SYN3: variants seen among roughly 807,000 people sequenced by gnomAD.
The protein encoded by SYN3 is synapsin III, also known as synapsin-3.
In SYN3, 35 loss-of-function variants were observed where a neutral mutation model predicts 65.8. The observed-to-expected ratio is 0.53, with a 90% confidence interval of 0.41 to 0.70. SYN3 has a LOEUF of 0.70. SYN3 is among the 30% of genes least tolerant of loss of function. The pLI is 0.00. For missense variants in SYN3, 680 were observed against 749.0 expected, an observed-to-expected ratio of 0.91 and a Z score of 1.08; for synonymous variants, 270 against 292.9, an observed-to-expected ratio of 0.92 and a Z score of 0.80.
At chr22:32,515,946 A>C (rs1035257216) in intron 13 of SYN3, among the ~76,000 whole-genome samples, 2 of 152,028 alleles carry the variant, frequency 1.3e-5, no homozygotes, top group Non-Finnish European at 2.9e-5. Flanking sequence ...CTACAGGCGC[A>C]CGCTGCCGCG....
At chr22:32,989,584 C>A (rs1387277917) in intron 2 of SYN3, among the ~76,000 whole-genome samples, 1 of 152,126 alleles carries the variant, frequency 6.6e-6, no homozygotes, top group Non-Finnish European at 1.5e-5. Flanking sequence ...CCTGTAATCC[C>A]AGCACTTTGG....
intron 6 of SYN3, among the ~76,000 whole-genome samples, chr22:32,827,053 T>G (rs144849563): frequency 2.0e-5 from 3 of 152,266 alleles, no homozygotes; most frequent in African/African-American, 7.2e-5. Context: ...ATGCTGGAGT[T>G]TTGCTGATCA....
intron 6 of SYN3, among the ~76,000 whole-genome samples, chr22:32,779,580 C>T (rs181405505): frequency 5.4e-4 from 83 of 152,312 alleles, no homozygotes; most frequent in African/African-American, 1.8e-3. Context: ...TGCAACTCTC[C>T]GAAGCGGGCA....
At chr22:32,730,006 C>T (rs2413146) in intron 6 of SYN3, among the ~76,000 whole-genome samples, 49,075 of 151,932 alleles carry the variant, frequency 0.32, 8,069 homozygotes, top group South Asian at 0.44. Context: ...CTAATGCTCA[C>T]GAGATGGATG....
At chr22:32,829,077 C>T (rs1034770748) in intron 6 of SYN3, among the ~76,000 whole-genome samples, 3 of 152,236 alleles carry the variant, frequency 2.0e-5, no homozygotes, top group African/African-American at 4.8e-5. Flanking sequence ...GAAACTGGCA[C>T]CATTTCTACC....
chr22:32,864,941 T>A lies in SYN3; in HGVS notation c.685A>T (p.Thr229Ser). ...ATTGGCTTATGGTTGGGGAAAAATGTTTGCTCCACAAGCGGGAACTTCTCA... is the reference window on the plus strand; with the variant it reads ...ATTGGCTTATGGTTGGGGAAAAATGATTGCTCCACAAGCGGGAACTTCTCA... The part of the protein sequence containing the change: ...GPEKFPLVEQ[T>S]FFPNHKPMVT... Residue 229 changes from threonine to serine, a missense_variant, in exon 6 of 14, where the codon ACA becomes TCA. Physicochemically the swap from Thr to Ser is moderately conservative, Grantham distance 58. Transcript: ENST00000358763. 1 of 1,614,076 alleles carries A rather than the reference T, an allele frequency of 6.2e-7. No homozygotes were observed. Among genetic ancestry groups the A allele is most frequent in the Non-Finnish European group, 8.5e-7 (1 of 1,179,998 alleles).
At chr22:32,762,676 G>A (rs1025560555) in intron 6 of SYN3, among the ~76,000 whole-genome samples, 1 of 152,208 alleles carries the variant, frequency 6.6e-6, no homozygotes, top group Non-Finnish European at 1.5e-5. Context: ...TAGAAGAACA[G>A]GTCTGCTGAT....
At chr22:32,711,364 T>C (rs1232190560) in intron 6 of SYN3, among the ~76,000 whole-genome samples, 1 of 152,198 alleles carries the variant, frequency 6.6e-6, no homozygotes, top group Admixed American at 6.5e-5. Context: ...AGAAAATAAT[T>C]CATCAGTTAG....
chr22:32,632,291 C>T (rs1330894811), intron 6 of SYN3, among the ~76,000 whole-genome samples: 1 of 152,202 alleles, frequency 6.6e-6, no homozygotes, highest in Non-Finnish European at 1.5e-5. Flanking sequence ...TGGACCTGGG[C>T]TTCTGCTGTC....
intron 6 of SYN3, among the ~76,000 whole-genome samples, chr22:32,814,181 AAAAG>A (rs148074968): frequency 0.87 from 95,439 of 109,478 alleles, 41,634 homozygotes; most frequent in Middle Eastern, 0.91. Context: ...AGAAAGAAAG[AAAAG>A]AAAGAAAGAA....
chr22:32,917,859 C>G (rs1285603580), intron 4 of SYN3, among the ~76,000 whole-genome samples: 1 of 152,258 alleles, frequency 6.6e-6, no homozygotes, highest in African/African-American at 2.4e-5. Context: ...GTGCTGCTCT[C>G]TTCCCGTTCC....
At chr22:32,780,691 G>A (rs918442587) in intron 6 of SYN3, among the ~76,000 whole-genome samples, 1 of 152,140 alleles carries the variant, frequency 6.6e-6, no homozygotes, top group Middle Eastern at 3.2e-3. Context: ...CTGGCTCCCT[G>A]ACTTACCAGC....
intron 4 of SYN3, among the ~76,000 whole-genome samples, chr22:32,922,157 G>A (rs944121427): frequency 3.3e-5 from 5 of 152,090 alleles, no homozygotes; most frequent in African/African-American, 7.2e-5. Flanking sequence ...CTTCCATGTC[G>A]TTGTTCGATT....
At chr22:32,576,742 A>C (rs1236155136) in intron 7 of SYN3, among the ~76,000 whole-genome samples, 1 of 151,498 alleles carries the variant, frequency 6.6e-6, no homozygotes, top group Non-Finnish European at 1.5e-5. Flanking sequence ...CTGGGTACAA[A>C]CCCTTATCAT....
intron 1 of SYN3, among the ~76,000 whole-genome samples, chr22:33,009,956 G>T (rs925397003): frequency 3.3e-5 from 5 of 151,912 alleles, no homozygotes; most frequent in Non-Finnish European, 7.4e-5. Flanking sequence ...TGCCAGGCTG[G>T]GCGTGGTGGC....
intron 6 of SYN3, among the ~76,000 whole-genome samples, chr22:32,698,898 G>C (rs146351977): frequency 9.3e-4 from 141 of 152,308 alleles, no homozygotes; most frequent in Admixed American, 8.5e-4. Flanking sequence ...GAGGAGGGTA[G>C]ATAATGTGTT....
intron 7 of SYN3, among the ~76,000 whole-genome samples, chr22:32,583,618 C>CT (rs1450578076): frequency 6.6e-6 from 1 of 152,210 alleles, no homozygotes; most frequent in Non-Finnish European, 1.5e-5. Flanking sequence ...TTGATCTCTG[C>CT]TTATCTCATC....
intron 6 of SYN3, among the ~76,000 whole-genome samples, chr22:32,834,478 T>A (rs936283244): frequency 6.6e-6 from 1 of 152,134 alleles, no homozygotes; most frequent in Non-Finnish European, 1.5e-5. Context: ...CACCTTTTGA[T>A]AGGAGCCTCC....
At chr22:32,968,847 A>G (rs2051927847) in intron 3 of SYN3, among the ~76,000 whole-genome samples, 1 of 144,566 alleles carries the variant, frequency 6.9e-6, no homozygotes, top group African/African-American at 2.4e-5. Context: ...CCCACCAGAT[A>G]AAGAACCCTT....
Sources: allele counts gnomAD v4.1 joint callset (sites outside exome capture counted in the v4.1 genomes callset), GRCh38; gene constraint gnomAD v4.1.1; transcripts MANE v1.5; gene names NCBI Gene and HGNC (gene_info 2026-07-23, HGNC 2026-07-21).